MARCHF1: variants seen among roughly 807,000 people sequenced by gnomAD.
MARCHF1 encodes E3 ubiquitin-protein ligase MARCHF1.
A neutral mutation model predicts 54.2 loss-of-function variants in MARCHF1; 40 were observed. The observed-to-expected ratio is 0.74, with a 90% CI of 0.57 to 0.96. The LOEUF (loss-of-function observed/expected upper bound fraction) is 0.96. Ranked by LOEUF, MARCHF1 falls within the 40% of genes least tolerant of loss-of-function variation. The probability of loss-of-function intolerance (pLI) is 0.00; values close to 1 mark genes in which losing one functional copy is unlikely to be tolerated. For synonymous variants in MARCHF1, 236 were observed against 236.3 expected (o/e 1.00, Z 0.01); for missense variants, 586 against 656.5 (o/e 0.89, Z 1.17).
At chr4:163,700,139 G>T (rs576574058) in intron 5 of MARCHF1, among the ~76,000 whole-genome samples, 1 of 152,042 alleles carries the variant, frequency 6.6e-6, no homozygotes, top group Non-Finnish European at 1.5e-5. Context: ...TGTTGATATA[G>T]TTTCAACTTG....
At chr4:163,890,422 C>A (rs1750636297) in intron 3 of MARCHF1, among the ~76,000 whole-genome samples, 1 of 151,888 alleles carries the variant, frequency 6.6e-6, no homozygotes, top group Admixed American at 6.6e-5. Context: ...CAATAAAATG[C>A]CAGAAAATAA....
chr4:164,072,529 C>A (rs1246745720), intron 2 of MARCHF1, among the ~76,000 whole-genome samples: 3 of 150,994 alleles, frequency 2.0e-5, no homozygotes, highest in Admixed American at 2.0e-4. Flanking sequence ...CCACCACACG[C>A]CAGCCTAGGC....
Position 164,085,448 on chromosome 4 carries a change from C to T in MARCHF1, c.-248+26140G>A, listed in dbSNP as rs560657229. Among the ~76,000 whole-genome samples, 53 of 151,724 alleles carry T rather than the reference C, an allele frequency of 3.5e-4. 1 individual carries two copies. The South Asian group carries it at 0.01, about 30-fold the overall frequency. ...CTTATTTTCTTCACTATATAAAGTGCCATAATGAAACTAAAGATAAAAATT... is the reference window on the plus strand; with the variant it reads ...CTTATTTTCTTCACTATATAAAGTGTCATAATGAAACTAAAGATAAAAATT... On this transcript the variant is annotated intron_variant, in intron 2 of 9. Coordinates refer to ENST00000514618, the MANE Select transcript of MARCHF1 (RefSeq NM_001394959.1).
intron 3 of MARCHF1, among the ~76,000 whole-genome samples, chr4:163,972,444 G>A (rs1406470678): frequency 6.6e-6 from 1 of 152,166 alleles, no homozygotes; most frequent in Non-Finnish European, 1.5e-5. Context: ...ATTAGAAATT[G>A]TTCAAGTTTA....
At chr4:164,334,202 AAC>A (rs1277315515) in intron 1 of MARCHF1, among the ~76,000 whole-genome samples, 1 of 152,206 alleles carries the variant, frequency 6.6e-6, no homozygotes, top group African/African-American at 2.4e-5. Flanking sequence ...TGCACTAAAC[AAC>A]AGATTCTCAA....
chr4:164,212,485 T>G (rs1422554328), intron 1 of MARCHF1, among the ~76,000 whole-genome samples: 1 of 152,204 alleles, frequency 6.6e-6, no homozygotes, highest in East Asian at 1.9e-4. Flanking sequence ...TAAAATTTTT[T>G]AAAGTATATT....
intron 2 of MARCHF1, among the ~76,000 whole-genome samples, chr4:164,039,691 A>AT (rs1754083857): frequency 6.6e-6 from 1 of 152,082 alleles, no homozygotes. Flanking sequence ...ATAAAAAAAA[A>AT]GCATAGACAT....
At chr4:164,240,436 C>T (rs1319861634) in intron 1 of MARCHF1, among the ~76,000 whole-genome samples, 1 of 152,064 alleles carries the variant, frequency 6.6e-6, no homozygotes, top group African/African-American at 2.4e-5. Flanking sequence ...CTCCTCATTC[C>T]TCATCTTGCT....
intron 1 of MARCHF1, among the ~76,000 whole-genome samples, chr4:164,207,952 T>A (rs1389283953): frequency 1.3e-5 from 2 of 151,952 alleles, no homozygotes; most frequent in South Asian, 4.1e-4. Flanking sequence ...AACCTGCACA[T>A]GTACCCCTGA....
At chr4:164,147,944 T>C (rs986034971) in intron 1 of MARCHF1, among the ~76,000 whole-genome samples, 1 of 152,132 alleles carries the variant, frequency 6.6e-6, no homozygotes, top group Non-Finnish European at 1.5e-5. Context: ...TAGATAAATA[T>C]AGCAAAGTAT....
In MARCHF1 at chr4:163,912,231, G is replaced by A. The variant is rs149377915; in HGVS notation, c.-38-58062C>T. ...ATTAGCCACACCTAGTTGCTGTGAG[G>A]AAGGCTGGATAATGTAATTAGTATT... On this transcript the variant is annotated intron_variant, in intron 3 of 9. Coordinates refer to ENST00000514618, the MANE Select transcript of MARCHF1 (RefSeq NM_001394959.1). 9.3e-3 allele frequency among the ~76,000 whole-genome samples: 1,418 copies of A among 152,276 alleles called. 13 individuals carry two copies. The highest frequency in any genetic ancestry group is 0.016 in the Non-Finnish European group (1,072 of 68,014).
Position 164,170,813 on chromosome 4 carries a change from T to C in MARCHF1, c.-322-59151A>G, listed in dbSNP as rs963907327. Among the ~76,000 whole-genome samples the C allele has an allele frequency of 3.9e-5, 6 of 152,252 alleles. No individual in the cohort carries two copies. In the South Asian group the frequency reaches 1.0e-3, roughly 26 times the overall value. On this transcript the variant is annotated intron_variant, in intron 1 of 9. Coordinates refer to ENST00000514618, the MANE Select transcript of MARCHF1 (RefSeq NM_001394959.1). ...ATTTATTCAAAACTAATGGACGAAA[T>C]CACTGTGGAGGTGAGAAGAAATGTG...
At chr4:163,986,350 C>T (rs1041989410) in intron 3 of MARCHF1, among the ~76,000 whole-genome samples, 5 of 143,264 alleles carry the variant, frequency 3.5e-5, no homozygotes, top group Non-Finnish European at 6.0e-5. Flanking sequence ...CTGCAAGCTC[C>T]GCCTCCCGGG....
intron 3 of MARCHF1, among the ~76,000 whole-genome samples, chr4:163,862,381 T>C (rs1218715172): frequency 1.3e-5 from 2 of 151,830 alleles, no homozygotes; most frequent in Admixed American, 1.3e-4. Flanking sequence ...AAGTATCTAA[T>C]AAAAATAAGC....
intron 4 of MARCHF1, among the ~76,000 whole-genome samples, chr4:163,852,965 C>T (rs1369657758): frequency 6.6e-6 from 1 of 152,058 alleles, no homozygotes; most frequent in African/African-American, 2.4e-5. Flanking sequence ...TTGTTTGCCC[C>T]TTCCAACATG....
intron 9 of MARCHF1, among the ~76,000 whole-genome samples, chr4:163,533,280 T>C (rs1420522887): frequency 6.6e-6 from 1 of 151,940 alleles, no homozygotes; most frequent in African/African-American, 2.4e-5. Flanking sequence ...TGATTCCAAC[T>C]ATGTGACATT....
intron 4 of MARCHF1, among the ~76,000 whole-genome samples, chr4:163,849,368 A>G (rs886194303): frequency 6.7e-6 from 1 of 149,012 alleles, no homozygotes; most frequent in Non-Finnish European, 1.5e-5. Flanking sequence ...CACCATCATT[A>G]TTATCATCAT....
chr4:164,155,590 G>A (rs527990218), intron 1 of MARCHF1, among the ~76,000 whole-genome samples: 233 of 152,106 alleles, frequency 1.5e-3, no homozygotes, highest in Non-Finnish European at 2.6e-3. Flanking sequence ...AAAGCAAGTC[G>A]AATACCACAT....
At chr4:163,725,377 C>A (rs773288209) in intron 4 of MARCHF1, among the ~76,000 whole-genome samples, 8 of 151,554 alleles carry the variant, frequency 5.3e-5, no homozygotes, top group Non-Finnish European at 7.4e-5. Context: ...ACTCAGGAGG[C>A]TAAGGTGGGA....
Sources: allele counts gnomAD v4.1 joint callset (sites outside exome capture counted in the v4.1 genomes callset), GRCh38; gene constraint gnomAD v4.1.1; transcripts MANE v1.5; gene names NCBI Gene and HGNC (gene_info 2026-07-23, HGNC 2026-07-21).